TMEM132B: variants seen among roughly 807,000 people sequenced by gnomAD.
TMEM132B encodes transmembrane protein 132B.
In TMEM132B, 18 loss-of-function variants were observed where a neutral mutation model predicts 90.8. The ratio of observed to expected loss-of-function variants is 0.20; its 90% confidence interval spans 0.14 to 0.29. The LOEUF is 0.29. Ranked by LOEUF, TMEM132B falls within the 10% of genes least tolerant of loss-of-function variation. TMEM132B has a pLI of 1.00. For synonymous variants in TMEM132B, 504 were observed against 523.3 expected (o/e 0.96, Z 0.50); for missense variants, 1,096 against 1,326.8 (o/e 0.83, Z 2.70).
chr12:125,254,645 C>G (rs1250813799), intron 1 of TMEM132B, among the ~76,000 whole-genome samples: 3 of 151,234 alleles, frequency 2.0e-5, no homozygotes, highest in Admixed American at 6.6e-5. Flanking sequence ...GGTCCTCTCT[C>G]CTGGGACTTA....
chr12:125,417,397 G>C (rs1210592505), intron 3 of TMEM132B, among the ~76,000 whole-genome samples: 1 of 152,188 alleles, frequency 6.6e-6, no homozygotes, highest in African/African-American at 2.4e-5. Context: ...CTTTGTAGTG[G>C]GAAATGGTCT....
chr12:125,198,441 C>T (rs1593038508), intron 1 of TMEM132B, among the ~76,000 whole-genome samples: 1 of 152,188 alleles, frequency 6.6e-6, no homozygotes, highest in African/African-American at 2.4e-5. Context: ...CTTCTGATGG[C>T]AAAGCTGGCC....
chr12:125,309,256 C>T lies in TMEM132B; in HGVS notation c.68-40196C>T, dbSNP rs192598715. On this transcript the variant is annotated intron_variant, in intron 1 of 8. Coordinates refer to ENST00000682704, the MANE Select transcript of TMEM132B (RefSeq NM_001366854.1). Reference sequence around the variant, plus strand: ...GATGCTCTTTATCTTTTCATAGACTCAGAAGCAGCCTTGAAAAGAAAAATA... The same window carrying T: ...GATGCTCTTTATCTTTTCATAGACTTAGAAGCAGCCTTGAAAAGAAAAATA... Among the ~76,000 whole-genome samples, 553 of 152,298 alleles carry T rather than the reference C, an allele frequency of 3.6e-3. 8 individuals are homozygous for T. The highest frequency in any genetic ancestry group is 3.3e-3 in the Non-Finnish European group (226 of 68,032).
At chr12:125,539,486 G>A (rs1438175509) in intron 4 of TMEM132B, among the ~76,000 whole-genome samples, 1 of 152,166 alleles carries the variant, frequency 6.6e-6, no homozygotes. Flanking sequence ...TTCCTTCGCA[G>A]AATGAGCACT....
At chr12:125,326,834 A>G (rs764970912) in intron 1 of TMEM132B, among the ~76,000 whole-genome samples, 2 of 152,002 alleles carry the variant, frequency 1.3e-5, no homozygotes, top group Non-Finnish European at 2.9e-5. Context: ...CTGCTCACTC[A>G]TTGTGCTTCT....
At chr12:125,504,586 T>C (rs1007938386) in intron 3 of TMEM132B, among the ~76,000 whole-genome samples, 8 of 152,190 alleles carry the variant, frequency 5.3e-5, no homozygotes, top group Admixed American at 1.3e-4. Context: ...ACATTAGCAC[T>C]GGTGATTCCT....
At chr12:125,543,580 C>T (rs190146715) in intron 4 of TMEM132B, among the ~76,000 whole-genome samples, 11 of 152,292 alleles carry the variant, frequency 7.2e-5, no homozygotes, top group Admixed American at 6.5e-4. Context: ...TTTTTAAATA[C>T]CTTCTGCATA....
Position 125,349,813 on chromosome 12 carries a change from C to T in TMEM132B, c.429C>T (p.Thr143=). 6.2e-7 allele frequency: 1 copy of T among 1,614,246 alleles called. No individual in the cohort carries two copies. Among genetic ancestry groups the T allele is most frequent in the Non-Finnish European group, 8.5e-7 (1 of 1,180,042 alleles). ...ACTCCAACAGACCCAAAGTGCAGAC[C>T]TTGTTTTATGTCACTGGCATGGGCT... ...SIYSNRPKVQ[T]LFYVTGMGWD... Residue 143 remains threonine (T), a synonymous_variant, in exon 2 of 9, where the codon ACC becomes ACT. Coordinates refer to ENST00000682704, the MANE Select transcript of TMEM132B (RefSeq NM_001366854.1). The surrounding 1 kb of genome is among the most constrained non-coding windows in gnomAD (Gnocchi z 4.1).
At chr12:125,370,867 G>A (rs950421919) in intron 2 of TMEM132B, among the ~76,000 whole-genome samples, 16 of 152,350 alleles carry the variant, frequency 1.1e-4, no homozygotes, top group African/African-American at 3.6e-4. Flanking sequence ...TAGAGGGACA[G>A]AACTAATAGG....
chr12:125,340,479 A>G (rs957750562), intron 1 of TMEM132B, among the ~76,000 whole-genome samples: 1 of 152,022 alleles, frequency 6.6e-6, no homozygotes, highest in East Asian at 1.9e-4. Context: ...AAGTGTAGGT[A>G]GTGTCTATTT....
intron 2 of TMEM132B, among the ~76,000 whole-genome samples, chr12:125,400,108 C>A (rs1879275424): frequency 6.6e-6 from 1 of 152,226 alleles, no homozygotes; most frequent in African/African-American, 2.4e-5. Flanking sequence ...TTGCTGATAC[C>A]TAGCCATCTC....
rs149996658 is a variant in TMEM132B at position 125,195,214 on chromosome 12, G to T, written c.67+8348G>T. Among the ~76,000 whole-genome samples the T allele has an allele frequency of 1.3e-5, 2 of 151,878 alleles. 1 individual carries two copies. The highest frequency in any genetic ancestry group is 2.9e-5 in the Non-Finnish European group (2 of 68,002). ...TGCCAGCCCCTGTCCGTGGTGCTGGGGATATCAGCAGGAAAAAGACAGGCA... is the reference window on the plus strand; with the variant it reads ...TGCCAGCCCCTGTCCGTGGTGCTGGTGATATCAGCAGGAAAAAGACAGGCA... On this transcript the variant is annotated intron_variant, in intron 1 of 8. Transcript: ENST00000682704.
intron 1 of TMEM132B, among the ~76,000 whole-genome samples, chr12:125,294,295 G>C (rs12146745): frequency 6.6e-6 from 1 of 152,162 alleles, no homozygotes; most frequent in Non-Finnish European, 1.5e-5. Flanking sequence ...AGGCATGCTT[G>C]CATTGCTGGC....
At chr12:125,350,500 A>G (rs1877534320) in intron 2 of TMEM132B, among the ~76,000 whole-genome samples, 157 bp downstream of exon 2, 1 of 152,242 alleles carries the variant, frequency 6.6e-6, no homozygotes, top group Admixed American at 6.5e-5. Context: ...TTCAGTAACT[A>G]CGGACAGTAG....
chr12:125,648,177 G>A (rs1886815846), intron 6 of TMEM132B, among the ~76,000 whole-genome samples: 1 of 151,434 alleles, frequency 6.6e-6, no homozygotes, highest in African/African-American at 2.4e-5. Context: ...TCTTGCGATA[G>A]TTTACTGAGA....
intron 3 of TMEM132B, among the ~76,000 whole-genome samples, chr12:125,441,759 C>T (rs770707378): frequency 1.5e-4 from 23 of 152,204 alleles, no homozygotes; most frequent in Non-Finnish European, 3.2e-4. Context: ...TCCGATCACT[C>T]GTGTGAATTT....
At chr12:125,343,166 G>A (rs765263813) in intron 1 of TMEM132B, among the ~76,000 whole-genome samples, 1 of 152,166 alleles carries the variant, frequency 6.6e-6, no homozygotes, top group Non-Finnish European at 1.5e-5. Context: ...GGCCCAAATT[G>A]TTGCATAGGA....
At chr12:125,594,581 A>G (rs1593011633) in intron 5 of TMEM132B, among the ~76,000 whole-genome samples, 2 of 152,186 alleles carry the variant, frequency 1.3e-5, no homozygotes, top group Non-Finnish European at 2.9e-5. Flanking sequence ...TTCCTATTGG[A>G]TTTATAGAGG....
intron 1 of TMEM132B, among the ~76,000 whole-genome samples, chr12:125,231,005 A>G (rs1282764419): frequency 6.6e-6 from 1 of 152,120 alleles, no homozygotes; most frequent in African/African-American, 2.4e-5. Flanking sequence ...TGGCTTAACA[A>G]AACAGAAATT....
Sources: gnomAD v4.1 joint callset for allele counts (sites outside exome capture counted in the v4.1 genomes callset) on GRCh38, gnomAD v4.1.1 for gene constraint, Gnocchi (gnomAD v3.1) non-coding constraint, MANE v1.5 for transcripts, NCBI Gene and HGNC (gene_info 2026-07-23, HGNC 2026-07-21) for gene names.